CBLN2: variants seen among roughly 807,000 people sequenced by gnomAD.
CBLN2 encodes cerebellin-2.
CBLN2 carries 7 observed loss-of-function variants against 15.0 expected under a neutral mutation model. That is an observed-to-expected ratio of 0.47 (90% CI 0.27 to 0.88). The LOEUF is 0.88. Ranked by LOEUF, CBLN2 falls within the 40% of genes least tolerant of loss-of-function variation. The pLI, the probability that CBLN2 is intolerant of heterozygous loss-of-function variation, is 0.14. For missense variants in CBLN2, 242 were observed against 304.5 expected, an observed-to-expected ratio of 0.79 and a Z score of 1.53; for synonymous variants, 149 against 135.2, an observed-to-expected ratio of 1.10 and a Z score of -0.71.
At chr18:72,584,095 A>C (rs1284968714) in intron 1 of CBLN2, among the ~76,000 whole-genome samples, 1 of 152,110 alleles carries the variant, frequency 6.6e-6, no homozygotes, top group African/African-American at 2.4e-5. Context: ...CGTTCAAAGC[A>C]CCAGCTGCAG....
chr18:72,622,815 C>T (rs779046358), intron 1 of CBLN2, among the ~76,000 whole-genome samples: 8 of 152,146 alleles, frequency 5.3e-5, no homozygotes, highest in Non-Finnish European at 8.8e-5. Flanking sequence ...TACCCCCCTC[C>T]GTGTTATCAG....
At chr18:72,577,109 A>G (rs1406194438) in intron 1 of CBLN2, among the ~76,000 whole-genome samples, 1 of 149,564 alleles carries the variant, frequency 6.7e-6, no homozygotes, top group Non-Finnish European at 1.5e-5. Flanking sequence ...ATATGTACAA[A>G]GAATGTTGAT....
chr18:72,573,347 A>G lies in CBLN2; in HGVS notation c.16-34575T>C, dbSNP rs191792332. Among the ~76,000 whole-genome samples, 355 of 152,326 alleles carry G rather than the reference A, an allele frequency of 2.3e-3. 1 individual carries two copies. The highest frequency in any genetic ancestry group is 8.1e-3 in the African/African-American group (338 of 41,564). ...ACATTTAAATCTGACATCCAATTAA[A>G]AGGGAATTATTAAATAAAACAGTAG... is the stretch of plus-strand genomic sequence containing the variant. On this transcript the variant is annotated intron_variant, in intron 1 of 2. Transcript: ENST00000581073.
chr18:72,583,081 G>C (rs1279461827), intron 1 of CBLN2, among the ~76,000 whole-genome samples: 1 of 152,068 alleles, frequency 6.6e-6, no homozygotes, highest in African/African-American at 2.4e-5. Context: ...AGCTGGGCCC[G>C]GGCCCAGGCC....
At chr18:72,578,159 T>C (rs141484603) in intron 1 of CBLN2, among the ~76,000 whole-genome samples, 82 of 152,304 alleles carry the variant, frequency 5.4e-4, no homozygotes, top group African/African-American at 1.8e-3. Flanking sequence ...TGGTATACTA[T>C]AAACATTCAA....
At chr18:72,634,303 T>C in intron 1 of CBLN2, among the ~76,000 whole-genome samples, 1 of 152,058 alleles carries the variant, frequency 6.6e-6, no homozygotes, top group Non-Finnish European at 1.5e-5. Flanking sequence ...CCAAATATGT[T>C]AAAGGAGATT....
intron 1 of CBLN2, chr18:72,618,229 A>G: frequency 4.0e-6 from 1 of 248,384 alleles, no homozygotes; most frequent in South Asian, 8.1e-5. Context: ...GGACGCTGCC[A>G]AGGAAGCATT....
intron 1 of CBLN2, chr18:72,618,557 C>T: frequency 1.3e-6 from 1 of 751,510 alleles, no homozygotes; most frequent in Admixed American, 1.8e-5. Flanking sequence ...TCTCAAAGAC[C>T]AGGTGTCCAC....
At chr18:72,540,248 A>T (rs963005039) in intron 3 of CBLN2, 3 of 152,170 alleles carry the variant, frequency 2.0e-5, no homozygotes, top group Admixed American at 2.0e-4. Context: ...CCTCAATTTT[A>T]CATTCTGGAA....
chr18:72,545,738 T>G (rs1200408460), upstream of CBLN2, among the ~76,000 whole-genome samples: 2 of 152,230 alleles, frequency 1.3e-5, no homozygotes, highest in Non-Finnish European at 2.9e-5. Flanking sequence ...GACACAGACA[T>G]AATTAGACCA....
chr18:72,554,796 T>C (rs1180829994), intron 1 of CBLN2, among the ~76,000 whole-genome samples: 2 of 152,222 alleles, frequency 1.3e-5, no homozygotes, highest in East Asian at 3.9e-4. Context: ...TCTCTTACCA[T>C]TGCAACCCCT....
At chr18:72,596,497 A>T (rs2069514990) in intron 1 of CBLN2, among the ~76,000 whole-genome samples, 1 of 152,074 alleles carries the variant, frequency 6.6e-6, no homozygotes. Flanking sequence ...TTTTCTGTGT[A>T]CTCACTATTA....
chr18:72,637,642 T>C (rs544637683), intron 1 of CBLN2, among the ~76,000 whole-genome samples: 9 of 152,328 alleles, frequency 5.9e-5, no homozygotes, highest in African/African-American at 2.2e-4. Context: ...AATTGGTACC[T>C]GATAAGTAAA....
At chr18:72,559,038 G>A (rs1274497529) in intron 1 of CBLN2, among the ~76,000 whole-genome samples, 7 of 152,138 alleles carry the variant, frequency 4.6e-5, no homozygotes, top group Non-Finnish European at 1.0e-4. Flanking sequence ...CTGGGCAATG[G>A]GAGTGAGACC....
In CBLN2 at chr18:72,582,803, G is replaced by T. The variant is rs541205451; in HGVS notation, c.16-44031C>A. Among the ~76,000 whole-genome samples, 10 of 152,288 alleles carry T rather than the reference G, an allele frequency of 6.6e-5. No homozygotes were observed. In the East Asian group the frequency reaches 1.4e-3, roughly 21 times the overall value. ...TCAGATTAAACCCCAGTGGAAACAT[G>T]AGACCTAGAGTTAGACAGCAAACAG... is the stretch of plus-strand genomic sequence containing the variant. On this transcript the variant is annotated intron_variant, in intron 1 of 2. Transcript: ENST00000581073.
Position 72,613,338 on chromosome 18 carries a change from C to G in CBLN2, c.15+24987G>C, listed in dbSNP as rs192492987. On this transcript the variant is annotated intron_variant, in intron 1 of 2. Transcript: ENST00000581073. ...ATAGTGCCCAGACCAGTGGGTTTCA[C>G]ATTACAGTGACTTCATAAATATTTT... 4.6e-5 allele frequency among the ~76,000 whole-genome samples: 7 copies of G among 152,300 alleles called. 1 individual carries two copies. The highest frequency in any genetic ancestry group is 2.0e-4 in the Admixed American group (3 of 15,286).
chr18:72,593,085 G>A (rs2069490511), intron 1 of CBLN2, among the ~76,000 whole-genome samples: 1 of 152,020 alleles, frequency 6.6e-6, no homozygotes, highest in Admixed American at 6.6e-5. Context: ...TGGGTAGTAG[G>A]GGTATTTTAA....
intron 3 of CBLN2, chr18:72,539,018 A>T: frequency 2.2e-6 from 1 of 445,134 alleles, no homozygotes. Context: ...AGCATATTTT[A>T]ATTATGCATT....
upstream of CBLN2, among the ~76,000 whole-genome samples, chr18:72,549,292 G>T (rs1226826985): frequency 3.3e-5 from 5 of 152,180 alleles, no homozygotes; most frequent in East Asian, 9.7e-4. Flanking sequence ...GATTACAGGC[G>T]TGAGCCAACG....
Sources: allele counts gnomAD v4.1 joint callset (sites outside exome capture counted in the v4.1 genomes callset), GRCh38; gene constraint gnomAD v4.1.1; transcripts MANE v1.5; gene names NCBI Gene and HGNC (gene_info 2026-07-23, HGNC 2026-07-21).